The following RBFOX1 variants were observed in gnomAD, a reference collection of about 807,000 sequenced individuals.
The protein encoded by RBFOX1 is RNA binding fox-1 homolog 1.
RBFOX1 carries 8 observed loss-of-function variants against 57.7 expected under a neutral mutation model. That is an observed-to-expected ratio of 0.14 (90% confidence interval 0.08 to 0.25). RBFOX1 has a LOEUF of 0.25. Among genes scored for constraint, RBFOX1 ranks in the 10% least tolerant of loss-of-function variants. RBFOX1 has a pLI of 1.00. For synonymous variants in RBFOX1, 326 were observed against 222.4 expected, an observed-to-expected ratio of 1.47 and a Z score of -4.15; for missense variants, 611 against 548.5, an observed-to-expected ratio of 1.11 and a Z score of -1.14.
intron 4 of RBFOX1, among the ~76,000 whole-genome samples, chr16:7,385,953 TA>T (rs1361974830): frequency 7.0e-6 from 1 of 142,722 alleles, no homozygotes; most frequent in Non-Finnish European, 1.5e-5. Context: ...TTTATTTATT[TA>T]TTTATTTTTT....
intron 4 of RBFOX1, among the ~76,000 whole-genome samples, chr16:7,410,765 C>A (rs981935178): frequency 3.3e-5 from 5 of 152,026 alleles, no homozygotes. Flanking sequence ...CAGTTTTAGA[C>A]TGATGCTCCT....
In RBFOX1 at chr16:6,795,710, T is replaced by A. The variant is rs770089042; in HGVS notation, c.-16+141060T>A. Among the ~76,000 whole-genome samples the A allele has an allele frequency of 5.9e-4, 90 of 151,444 alleles. 2 individuals carry two copies. Among genetic ancestry groups the A allele is most frequent in the East Asian group, 2.0e-4 (1 of 5,128 alleles). On this transcript the variant is annotated intron_variant, in intron 3 of 15. Transcript: ENST00000550418. ...GAAACCAGAAGGCAGAGGTTGCAGT[T>A]AGCCAATGTTGCACCACTGCACTCT... is the stretch of plus-strand genomic sequence containing the variant.
intron 3 of RBFOX1, among the ~76,000 whole-genome samples, chr16:5,655,173 C>T (rs543376475): frequency 8.5e-5 from 13 of 152,288 alleles, no homozygotes; most frequent in African/African-American, 2.4e-4. Flanking sequence ...TTAGCCCCGA[C>T]GAGGGTGGCA....
intron 2 of RBFOX1, among the ~76,000 whole-genome samples, chr16:5,517,664 T>C (rs2043842366): frequency 6.6e-6 from 1 of 152,206 alleles, no homozygotes; most frequent in East Asian, 1.9e-4. Flanking sequence ...TTGGGCTTTC[T>C]ACAAACTCAT....
chr16:6,676,340 G>C (rs1307091765), intron 3 of RBFOX1, among the ~76,000 whole-genome samples: 1 of 152,056 alleles, frequency 6.6e-6, no homozygotes, highest in East Asian at 1.9e-4. Flanking sequence ...GTCAATTTTG[G>C]GGAGTCATGA....
At chr16:7,426,429 C>G (rs891093769) in intron 4 of RBFOX1, among the ~76,000 whole-genome samples, 2 of 152,164 alleles carry the variant, frequency 1.3e-5, no homozygotes, top group Admixed American at 6.5e-5. Context: ...CTCCCCACCT[C>G]TGAATGCATT....
At chr16:6,408,011 A>G (rs546753161) in intron 2 of RBFOX1, among the ~76,000 whole-genome samples, 3 of 152,244 alleles carry the variant, frequency 2.0e-5, no homozygotes, top group Admixed American at 6.5e-5. Context: ...TTGTGCTTTT[A>G]TCAAAGAGGC....
chr16:7,019,809 A>C (rs2094114841), intron 3 of RBFOX1, among the ~76,000 whole-genome samples: 1 of 152,156 alleles, frequency 6.6e-6, no homozygotes, highest in African/African-American at 2.4e-5. Context: ...AATTCCCATT[A>C]ATCCTGAACA....
At chr16:6,091,297 C>T (rs1241403886) in intron 1 of RBFOX1, among the ~76,000 whole-genome samples, 2 of 152,134 alleles carry the variant, frequency 1.3e-5, no homozygotes, top group Admixed American at 1.3e-4. Flanking sequence ...TCTCCTGGTC[C>T]ATGAAGTCTT....
intron 3 of RBFOX1, among the ~76,000 whole-genome samples, chr16:5,763,926 ATATTAT>A (rs1259472230): frequency 2.6e-5 from 4 of 152,084 alleles, no homozygotes; most frequent in Non-Finnish European, 5.9e-5. Context: ...CCCTGGCATT[ATATTAT>A]TTCTTATTTC....
chr16:6,541,926 T>A (rs2096825776), intron 2 of RBFOX1, among the ~76,000 whole-genome samples: 1 of 151,956 alleles, frequency 6.6e-6, no homozygotes, highest in South Asian at 2.1e-4. Flanking sequence ...GCTTTAGTGT[T>A]CATTGATTTA....
chr16:5,458,380 C>G (rs533404207), intron 1 of RBFOX1, among the ~76,000 whole-genome samples: 3 of 151,808 alleles, frequency 2.0e-5, no homozygotes, highest in African/African-American at 7.3e-5. Flanking sequence ...GTGGTGTAGC[C>G]GGGAGGGCAC....
intron 5 of RBFOX1, among the ~76,000 whole-genome samples, chr16:7,575,461 G>A: frequency 6.6e-6 from 1 of 152,116 alleles, no homozygotes; most frequent in Non-Finnish European, 1.5e-5. Flanking sequence ...GAAAAAGGAA[G>A]AGGGAAATTG....
chr16:7,523,554 G>A (rs970215688), intron 5 of RBFOX1, among the ~76,000 whole-genome samples: 2 of 152,138 alleles, frequency 1.3e-5, no homozygotes, highest in African/African-American at 2.4e-5. Context: ...ATGGTGGACC[G>A]GTTAGCTGTC....
intron 13 of RBFOX1, among the ~76,000 whole-genome samples, chr16:7,665,951 G>C (rs2069123599): frequency 6.6e-6 from 1 of 152,144 alleles, no homozygotes; most frequent in African/African-American, 2.4e-5. Flanking sequence ...AATAGACTTA[G>C]TTGAGTTCTA....
At chr16:7,247,268 G>C (rs532867298) in intron 4 of RBFOX1, among the ~76,000 whole-genome samples, 21 of 152,244 alleles carry the variant, frequency 1.4e-4, no homozygotes, top group African/African-American at 4.8e-4. Flanking sequence ...GCCTTTAACC[G>C]CATCACACTC....
intron 4 of RBFOX1, among the ~76,000 whole-genome samples, chr16:7,138,192 T>C (rs146251598): frequency 2.6e-5 from 4 of 152,180 alleles, no homozygotes; most frequent in East Asian, 1.9e-4. Context: ...GAGGATCAGA[T>C]GGGGCAATGA....
chr16:7,199,686 G>A (rs1299745143), intron 4 of RBFOX1, among the ~76,000 whole-genome samples: 1 of 152,156 alleles, frequency 6.6e-6, no homozygotes, highest in Non-Finnish European at 1.5e-5. Context: ...TTGAGGTCAG[G>A]AGTTCAAGAT....
chr16:6,381,739 C>G (rs1405301037), intron 2 of RBFOX1, among the ~76,000 whole-genome samples: 3 of 152,178 alleles, frequency 2.0e-5, no homozygotes, highest in African/African-American at 7.2e-5. Flanking sequence ...CGATGTATGC[C>G]TGGGGCTACC....
Sources: allele counts gnomAD v4.1 joint callset (sites outside exome capture counted in the v4.1 genomes callset), GRCh38; gene constraint gnomAD v4.1.1; transcripts MANE v1.5; gene names NCBI Gene and HGNC (gene_info 2026-07-23, HGNC 2026-07-21).